The following ITGA8 variants were observed in gnomAD, a reference collection of about 807,000 sequenced individuals.
ITGA8 encodes integrin alpha-8.
In ITGA8, 91 loss-of-function variants were observed where a neutral mutation model predicts 142.3. The observed-to-expected ratio is 0.64, with a 90% CI of 0.54 to 0.76. ITGA8 has a LOEUF of 0.76. Among genes scored for constraint, ITGA8 ranks in the 30% least tolerant of loss-of-function variants. ITGA8 has a pLI of 0.00. For missense variants in ITGA8, 1,406 were observed against 1,327.7 expected (o/e 1.06, Z -0.92); for synonymous variants, 505 against 485.2 (o/e 1.04, Z -0.54).
At chr10:15,681,539 C>G (rs1325558876) in intron 4 of ITGA8, among the ~76,000 whole-genome samples, 1 of 152,186 alleles carries the variant, frequency 6.6e-6, no homozygotes. Flanking sequence ...AAAAATGGTT[C>G]AAACTCACTC....
At position 15,568,467 on chromosome 10, in the gene ITGA8, A is replaced by G. The variant is rs148943600; in HGVS notation, c.2637+3744T>C. Among the ~76,000 whole-genome samples the G allele has an allele frequency of 2.4e-4, 36 of 152,344 alleles. No homozygotes were observed. The East Asian group carries it at 6.7e-3, about 29-fold the overall frequency. On this transcript the variant is annotated intron_variant, in intron 25 of 29. Coordinates refer to ENST00000378076, the MANE Select transcript of ITGA8 (RefSeq NM_003638.3). ...TTGGGGACATTAGGGTAGCTTGCTG[A>G]GATAACCAAACTATAACCAGTTTCT...
At position 15,671,595 on chromosome 10, in the gene ITGA8, C is replaced by A. The variant is rs372399541; in HGVS notation, c.847+8G>T. On this transcript the variant is annotated splice_region_variant and intron_variant, in intron 8 of 29. Transcript: ENST00000378076. ...TATAAGTGATTTAAACTCAACAGTG[C>A]CTCTCACCTTGCTGAGAATCCCCAG... The A allele has an allele frequency of 6.2e-7, 1 of 1,608,232 alleles. No homozygotes were observed. Among genetic ancestry groups the A allele is most frequent in the Non-Finnish European group, 8.5e-7 (1 of 1,174,874 alleles).
intron 2 of ITGA8, among the ~76,000 whole-genome samples, chr10:15,702,995 T>C (rs1835193584): frequency 6.6e-6 from 1 of 152,216 alleles, no homozygotes; most frequent in South Asian, 2.1e-4. Flanking sequence ...CTCTAGTTCA[T>C]AGTGAAATAA....
intron 2 of ITGA8, among the ~76,000 whole-genome samples, chr10:15,698,058 CT>C (rs1311148841): frequency 1.3e-5 from 2 of 152,178 alleles, no homozygotes; most frequent in African/African-American, 4.8e-5. Context: ...TCCCTCACCC[CT>C]TTCCCACCCT....
chr10:15,676,619 T>C (rs1381135168), intron 6 of ITGA8, among the ~76,000 whole-genome samples: 1 of 152,196 alleles, frequency 6.6e-6, no homozygotes, highest in Non-Finnish European at 1.5e-5. Flanking sequence ...CATTAATGTG[T>C]CCCCAGCCTC....
At chr10:15,678,804 A>G in intron 4 of ITGA8, 21 bp from the exon 5 acceptor site, 2 of 1,506,920 alleles carry the variant, frequency 1.3e-6, no homozygotes, top group Non-Finnish European at 1.8e-6. Flanking sequence ...CAAAATACAT[A>G]AATGTTATAA....
chr10:15,692,325 C>T (rs1041048081), intron 2 of ITGA8, among the ~76,000 whole-genome samples: 1 of 151,964 alleles, frequency 6.6e-6, no homozygotes, highest in African/African-American at 2.4e-5. Flanking sequence ...AGCATGACTC[C>T]CATTAGATAA....
At position 15,627,951 on chromosome 10, in the gene ITGA8, G is replaced by A. The variant is rs185307261; in HGVS notation, c.1400-11392C>T. 3.8e-4 allele frequency among the ~76,000 whole-genome samples: 56 copies of A among 148,148 alleles called. 3 individuals are homozygous for A. The highest frequency in any genetic ancestry group is 1.3e-3 in the African/African-American group (52 of 41,200). On this transcript the variant is annotated intron_variant, in intron 13 of 29. Transcript: ENST00000378076. ...GAAGTCGGTCAAAACCACCAAAACC[G>A]AGATGGTGACGGGAGTGACCTCTGG...
At chr10:15,566,313 CT>C (rs1194297078) in intron 25 of ITGA8, among the ~76,000 whole-genome samples, 7 of 152,128 alleles carry the variant, frequency 4.6e-5, no homozygotes, top group African/African-American at 1.7e-4. Context: ...ATGTTAAGCC[CT>C]TCTTAGTCTA....
intron 2 of ITGA8, among the ~76,000 whole-genome samples, chr10:15,715,170 A>G (rs1397673232): frequency 1.3e-5 from 2 of 152,070 alleles, no homozygotes; most frequent in Admixed American, 1.3e-4. Flanking sequence ...ATCAGAGACC[A>G]TGAAGGGGCA....
chr10:15,579,615 A>T (rs938786996), intron 23 of ITGA8, among the ~76,000 whole-genome samples: 1 of 152,100 alleles, frequency 6.6e-6, no homozygotes, highest in Non-Finnish European at 1.5e-5. Context: ...AGATATAAAA[A>T]TAAGATAGTA....
At chr10:15,562,500 G>C (rs1015897895) in intron 25 of ITGA8, among the ~76,000 whole-genome samples, 1 of 152,202 alleles carries the variant, frequency 6.6e-6, no homozygotes, top group Non-Finnish European at 1.5e-5. Context: ...TGGAGTCCAG[G>C]CTTGGCAGGA....
At chr10:15,639,859 C>A (rs527624746) in intron 13 of ITGA8, among the ~76,000 whole-genome samples, 2 of 152,160 alleles carry the variant, frequency 1.3e-5, no homozygotes, top group Non-Finnish European at 2.9e-5. Context: ...ACCAAGGTTG[C>A]GAACCCCTGT....
intron 8 of ITGA8, among the ~76,000 whole-genome samples, chr10:15,663,977 C>T (rs1934944): frequency 0.58 from 87,698 of 151,958 alleles, 26,475 homozygotes; most frequent in South Asian, 0.75. Context: ...TTTTTCAAGG[C>T]GCTAGTTACT....
At chr10:15,561,720 A>T (rs957762757) in intron 25 of ITGA8, among the ~76,000 whole-genome samples, 1 of 152,162 alleles carries the variant, frequency 6.6e-6, no homozygotes, top group African/African-American at 2.4e-5. Context: ...CTTTCTCTGG[A>T]AGTGTTAGAA....
chr10:15,634,903 G>C (rs1399882638), intron 13 of ITGA8, among the ~76,000 whole-genome samples: 3 of 151,646 alleles, frequency 2.0e-5, no homozygotes, highest in Non-Finnish European at 2.9e-5. Context: ...AGTTTATAAG[G>C]GTCTACTATT....
chr10:15,706,482 T>A (rs547872066), intron 2 of ITGA8, among the ~76,000 whole-genome samples: 1 of 152,216 alleles, frequency 6.6e-6, no homozygotes, highest in South Asian at 2.1e-4. Context: ...ACTCACTCTG[T>A]CAGGCTGGAG....
At chr10:15,599,972 C>T (rs575628969) in intron 20 of ITGA8, among the ~76,000 whole-genome samples, 1 of 152,118 alleles carries the variant, frequency 6.6e-6, no homozygotes, top group African/African-American at 2.4e-5. Context: ...CTGGACCTAA[C>T]AGTTGATGTT....
intron 13 of ITGA8, among the ~76,000 whole-genome samples, chr10:15,636,196 T>C (rs1310104863): frequency 6.6e-6 from 1 of 152,210 alleles, no homozygotes; most frequent in African/African-American, 2.4e-5. Flanking sequence ...GGTATTGTTA[T>C]ACAATCACGT....
Sources: gnomAD v4.1 joint callset for allele counts (sites outside exome capture counted in the v4.1 genomes callset) on GRCh38, gnomAD v4.1.1 for gene constraint, MANE v1.5 for transcripts, NCBI Gene and HGNC (gene_info 2026-07-23, HGNC 2026-07-21) for gene names.